NPAS3: variants seen among roughly 807,000 people sequenced by gnomAD.
NPAS3 encodes neuronal PAS domain-containing protein 3.
NPAS3 carries 14 observed loss-of-function variants against 73.1 expected under a neutral mutation model. The ratio of observed to expected loss-of-function variants is 0.19; its 90% confidence interval spans 0.13 to 0.30. NPAS3 has a LOEUF of 0.30. Ranked by LOEUF, NPAS3 falls within the 10% of genes least tolerant of loss-of-function variation. The pLI, the probability that NPAS3 is intolerant of heterozygous loss-of-function variation, is 1.00. For missense variants in NPAS3, 1,096 were observed against 1,250.0 expected (o/e 0.88, Z 1.86); for synonymous variants, 620 against 541.5 (o/e 1.14, Z -2.01).
chr14:33,466,077 G>A (rs1198815442), intron 4 of NPAS3, among the ~76,000 whole-genome samples: 8 of 152,154 alleles, frequency 5.3e-5, no homozygotes, highest in Non-Finnish European at 1.2e-4. Flanking sequence ...ATGAGCATGC[G>A]CTTGAGCTTC....
At chr14:33,771,881 A>G (rs1340009740) in intron 7 of NPAS3, among the ~76,000 whole-genome samples, 5 of 152,192 alleles carry the variant, frequency 3.3e-5, no homozygotes, top group Non-Finnish European at 7.4e-5. Flanking sequence ...ACACAGGTAT[A>G]ACTAAGTTGA....
intron 1 of NPAS3, among the ~76,000 whole-genome samples, chr14:32,988,059 C>T (rs1447225092): frequency 6.6e-6 from 1 of 151,982 alleles, no homozygotes; most frequent in African/African-American, 2.4e-5. Context: ...AACATTTTAA[C>T]AATAACAATT....
chr14:33,009,543 A>G (rs2039117918), intron 1 of NPAS3, among the ~76,000 whole-genome samples: 1 of 152,206 alleles, frequency 6.6e-6, no homozygotes, highest in Admixed American at 6.5e-5. Context: ...CAATAATGAC[A>G]TTAACACTGG....
intron 2 of NPAS3, among the ~76,000 whole-genome samples, chr14:33,195,432 G>A (rs12432340): frequency 0.21 from 32,016 of 151,866 alleles, 3,809 homozygotes; most frequent in South Asian, 0.38. Flanking sequence ...CACCACGCCC[G>A]GCCAATTTTT....
At chr14:33,759,030 C>T (rs1031173277) in intron 7 of NPAS3, among the ~76,000 whole-genome samples, 2 of 152,166 alleles carry the variant, frequency 1.3e-5, no homozygotes, top group African/African-American at 2.4e-5. Context: ...AAAATTGATT[C>T]GAAGGGTAGA....
Position 33,330,041 on chromosome 14 carries a change from G to A in NPAS3, c.386-37145G>A, listed in dbSNP as rs527490768. Among the ~76,000 whole-genome samples the A allele has an allele frequency of 5.9e-5, 9 of 152,150 alleles. No homozygotes were observed. In the South Asian group the frequency reaches 1.9e-3, roughly 32 times the overall value. On this transcript the variant is annotated intron_variant, in intron 3 of 11. Coordinates refer to ENST00000356141, the Ensembl canonical transcript of NPAS3. ...TAGGCAGATCACTTGTCAGGAGTTC[G>A]AGACCAGCCTGGCCAACATGGCAAA...
At chr14:33,394,678 A>T (rs2047148253) in intron 4 of NPAS3, among the ~76,000 whole-genome samples, 1 of 152,210 alleles carries the variant, frequency 6.6e-6, no homozygotes, top group Admixed American at 6.5e-5. Context: ...CATTTTAAAA[A>T]TGCTGTTTTC....
intron 4 of NPAS3, among the ~76,000 whole-genome samples, chr14:33,540,326 A>G (rs2054454917): frequency 6.6e-6 from 1 of 152,160 alleles, no homozygotes; most frequent in Non-Finnish European, 1.5e-5. Flanking sequence ...TGCTTTGTTC[A>G]TTTATTGCCT....
chr14:33,695,178 G>A (rs541457802), intron 6 of NPAS3, among the ~76,000 whole-genome samples: 30 of 152,184 alleles, frequency 2.0e-4, no homozygotes, highest in South Asian at 8.3e-4. Context: ...CACCCTTGAG[G>A]GAGCTTCCAT....
chr14:33,131,112 G>C (rs2043619234), intron 2 of NPAS3, among the ~76,000 whole-genome samples: 1 of 152,084 alleles, frequency 6.6e-6, no homozygotes, highest in Non-Finnish European at 1.5e-5. Context: ...CACATTTGGA[G>C]CAAGTCTACA....
intron 5 of NPAS3, among the ~76,000 whole-genome samples, chr14:33,603,304 A>T (rs1374359399): frequency 1.3e-5 from 2 of 152,204 alleles, no homozygotes; most frequent in Non-Finnish European, 2.9e-5. Context: ...TGAAATACAG[A>T]GGGAAAAGTG....
chr14:33,558,152 A>T lies in NPAS3; in HGVS notation c.469-1969A>T, dbSNP rs115304768. 3.9e-3 allele frequency among the ~76,000 whole-genome samples: 595 copies of T among 152,318 alleles called. 5 individuals carry two copies. The highest frequency in any genetic ancestry group is 0.014 in the African/African-American group (566 of 41,574). On this transcript the variant is annotated intron_variant, in intron 4 of 11. Transcript: ENST00000356141. Reference sequence around the variant, plus strand: ...ATCTGCTCTTTAGTGGAACAATATAATGTGACTTTTGAATTGTTTTCAGAA... The same window carrying T: ...ATCTGCTCTTTAGTGGAACAATATATTGTGACTTTTGAATTGTTTTCAGAA...
intron 4 of NPAS3, among the ~76,000 whole-genome samples, chr14:33,380,286 A>G (rs2046489041): frequency 6.6e-6 from 1 of 152,004 alleles, no homozygotes; most frequent in Non-Finnish European, 1.5e-5. Flanking sequence ...TCATTAAAGA[A>G]CACAGAAAAC....
At chr14:33,709,405 A>C (rs962677728) in intron 6 of NPAS3, among the ~76,000 whole-genome samples, 1 of 152,168 alleles carries the variant, frequency 6.6e-6, no homozygotes, top group Non-Finnish European at 1.5e-5. Flanking sequence ...ACTCTCTGCT[A>C]CTTCCCGCCC....
intron 3 of NPAS3, among the ~76,000 whole-genome samples, chr14:33,238,625 G>A (rs570971086): frequency 3.3e-5 from 5 of 152,014 alleles, no homozygotes; most frequent in East Asian, 3.9e-4. Flanking sequence ...GGCAAAAGAC[G>A]ATACTGTCTG....
intron 5 of NPAS3, among the ~76,000 whole-genome samples, chr14:33,610,504 A>G (rs543982002): frequency 2.6e-5 from 4 of 152,150 alleles, no homozygotes; most frequent in Non-Finnish European, 5.9e-5. Flanking sequence ...ATGCTCTTGT[A>G]TGACAAAAAA....
chr14:33,202,001 CTT>C (rs2046637223), intron 2 of NPAS3, among the ~76,000 whole-genome samples: 1 of 152,128 alleles, frequency 6.6e-6, no homozygotes, highest in South Asian at 2.1e-4. Flanking sequence ...ATGATACAAT[CTT>C]TTGTTTTTCC....
At chr14:33,784,759 T>TTA (rs1566538828) in intron 9 of NPAS3, among the ~76,000 whole-genome samples, 6 of 129,866 alleles carry the variant, frequency 4.6e-5, no homozygotes, top group Non-Finnish European at 9.8e-5. Context: ...TTTTTTTTTT[T>TTA]TTTTTTTTGA....
intron 6 of NPAS3, among the ~76,000 whole-genome samples, chr14:33,731,722 T>TA (rs2061407430): frequency 6.6e-6 from 1 of 152,218 alleles, no homozygotes; most frequent in African/African-American, 2.4e-5. Context: ...TTTGCCAACA[T>TA]AAAAATTATT....
Sources: gnomAD v4.1 joint callset for allele counts (sites outside exome capture counted in the v4.1 genomes callset) on GRCh38, gnomAD v4.1.1 for gene constraint, MANE v1.5 for transcripts, NCBI Gene and HGNC (gene_info 2026-07-23, HGNC 2026-07-21) for gene names.